NBEA: variants seen among roughly 807,000 people sequenced by gnomAD.
The protein encoded by NBEA is neurobeachin, also known as lysosomal-trafficking regulator 2.
A neutral mutation model predicts 343.4 loss-of-function variants in NBEA; 44 were observed. The ratio of observed to expected loss-of-function variants is 0.13; its 90% CI spans 0.10 to 0.16. NBEA has a LOEUF of 0.16. Among genes scored for constraint, NBEA ranks in the 10% least tolerant of loss-of-function variants. The pLI is 1.00. For missense variants in NBEA, 2,555 were observed against 3,631.3 expected (o/e 0.70, Z 7.62); for synonymous variants, 1,175 against 1,238.7 (o/e 0.95, Z 1.08).
chr13:34,946,796 C>T (rs1489092255), intron 1 of NBEA, among the ~76,000 whole-genome samples: 8 of 144,728 alleles, frequency 5.5e-5, no homozygotes, highest in African/African-American at 2.0e-4. Context: ...CCAAATTTCT[C>T]TCATCTTGGC....
chr13:35,275,283 C>G (rs536108541), intron 34 of NBEA, among the ~76,000 whole-genome samples: 1 of 152,222 alleles, frequency 6.6e-6, no homozygotes, highest in African/African-American at 2.4e-5. Context: ...ATAAATGGTG[C>G]TGGGAAAACT....
At chr13:35,350,154 G>A (rs2040108901) in intron 37 of NBEA, among the ~76,000 whole-genome samples, 1 of 152,114 alleles carries the variant, frequency 6.6e-6, no homozygotes, top group South Asian at 2.1e-4. Flanking sequence ...TGAGTCTCTT[G>A]TATTTCCACT....
intron 45 of NBEA, among the ~76,000 whole-genome samples, chr13:35,572,737 GTTGTTGTTGTTT>G (rs1566342875): frequency 6.6e-6 from 1 of 151,856 alleles, no homozygotes; most frequent in Non-Finnish European, 1.5e-5. Flanking sequence ...TGTTGTTGTT[GTTGTTGTTGTTT>G]TTGAGATGGA....
intron 20 of NBEA, among the ~76,000 whole-genome samples, chr13:35,156,837 A>G (rs558527101): frequency 3.1e-4 from 47 of 152,284 alleles, no homozygotes; most frequent in African/African-American, 7.7e-4. Context: ...TAGAGAAGCA[A>G]TAAGTAAATC....
intron 6 of NBEA, 143 bp from the exon 7 acceptor site, chr13:35,055,867 G>C (rs2063237679): frequency 3.9e-6 from 2 of 508,498 alleles, no homozygotes; most frequent in Non-Finnish European, 6.2e-6. Flanking sequence ...AGAAATGAGA[G>C]GGGGAACTTG....
At position 35,048,666 on chromosome 13, in the gene NBEA, A is replaced by T; in HGVS notation, c.827A>T (p.Asp276Val). The T allele has an allele frequency of 2.2e-6, 3 of 1,360,410 alleles. No homozygotes were observed. The highest frequency in any genetic ancestry group is 3.1e-6 in the Non-Finnish European group (3 of 968,880). 84.3% of individuals were successfully genotyped at this position (1,360,410 alleles called of 1,614,324 possible). A position where few individuals can be genotyped will look rare whatever the true frequency, so the allele number is the denominator to read the frequency against. Reference sequence around the variant, plus strand: ...TTAAATAATATTAATGTTGATAAGGATAAACCTTATCTTTATTGGTAAGTA... The same window carrying T: ...TTAAATAATATTAATGTTGATAAGGTTAAACCTTATCTTTATTGGTAAGTA... ...DPLNNINVDK[D>V]KPYLYCFRTS... The change falls in exon 5 of 59, where the codon GAT becomes GTT. Residue 276 changes from aspartate (D) to valine (V), a missense_variant. This residue lies in a region of NBEA where 185 missense variants were observed against 290.6 expected (regional missense o/e 0.64). Coordinates refer to ENST00000379939, the MANE Select transcript of NBEA (RefSeq NM_001385012.1).
chr13:35,552,358 G>A (rs1322737469), intron 43 of NBEA, among the ~76,000 whole-genome samples: 4 of 152,166 alleles, frequency 2.6e-5, no homozygotes, highest in Non-Finnish European at 4.4e-5. Flanking sequence ...TACAGTGTAA[G>A]ACCAATTCAC....
chr13:35,629,840 C>T (rs534439121), intron 49 of NBEA, among the ~76,000 whole-genome samples: 1 of 152,078 alleles, frequency 6.6e-6, no homozygotes, highest in South Asian at 2.1e-4. Flanking sequence ...AGGCTAATAC[C>T]TTTTAGAATC....
chr13:35,078,613 G>A (rs1186721686), intron 10 of NBEA, among the ~76,000 whole-genome samples: 2 of 152,156 alleles, frequency 1.3e-5, no homozygotes, highest in Non-Finnish European at 2.9e-5. Context: ...GGGGTGGAAA[G>A]TAAGTCTTTG....
At chr13:35,063,263 C>CCCTG (rs2063529074) in intron 8 of NBEA, among the ~76,000 whole-genome samples, 1 of 151,802 alleles carries the variant, frequency 6.6e-6, no homozygotes, top group Non-Finnish European at 1.5e-5. Flanking sequence ...CCAACAAAAC[C>CCCTG]CCTGCCTGTA....
At chr13:35,059,588 G>T (rs2063389559) in intron 8 of NBEA, among the ~76,000 whole-genome samples, 1 of 151,804 alleles carries the variant, frequency 6.6e-6, no homozygotes, top group Admixed American at 6.6e-5. Flanking sequence ...TTATAATTCT[G>T]AAGGAGTACT....
intron 38 of NBEA, among the ~76,000 whole-genome samples, chr13:35,379,904 T>G (rs2041925766): frequency 6.6e-6 from 1 of 152,182 alleles, no homozygotes; most frequent in African/African-American, 2.4e-5. Context: ...CCTGGTAGTG[T>G]AAGCCCTTTA....
At chr13:35,269,779 T>C (rs1016501322) in intron 34 of NBEA, among the ~76,000 whole-genome samples, 2 of 152,152 alleles carry the variant, frequency 1.3e-5, no homozygotes, top group South Asian at 2.1e-4. Flanking sequence ...AAAAGAACCA[T>C]TGGAGATGTA....
At chr13:35,356,214 A>C (rs1367154113) in intron 38 of NBEA, among the ~76,000 whole-genome samples, 2 of 152,162 alleles carry the variant, frequency 1.3e-5, no homozygotes, top group African/African-American at 2.4e-5. Context: ...AAAATGCCAA[A>C]AAGTACTTAT....
At chr13:34,947,914 T>C (rs1215742074) in intron 1 of NBEA, among the ~76,000 whole-genome samples, 8 of 152,224 alleles carry the variant, frequency 5.3e-5, no homozygotes, top group African/African-American at 1.7e-4. Context: ...CCTGACTGTG[T>C]AGGCATTACT....
At chr13:35,281,030 ACTTGACT>A (rs2035017683) in intron 34 of NBEA, among the ~76,000 whole-genome samples, 1 of 152,052 alleles carries the variant, frequency 6.6e-6, no homozygotes, top group Non-Finnish European at 1.5e-5. Context: ...GTAATATAGA[ACTTGACT>A]CTTAAGATCT....
At chr13:35,308,048 T>TA (rs2037017580) in intron 35 of NBEA, among the ~76,000 whole-genome samples, 1 of 152,006 alleles carries the variant, frequency 6.6e-6, no homozygotes, top group Non-Finnish European at 1.5e-5. Flanking sequence ...TTTCTCTCCT[T>TA]GGGAGATTCA....
chr13:35,665,970 G>A (rs1001943939), intron 56 of NBEA, among the ~76,000 whole-genome samples: 2 of 152,132 alleles, frequency 1.3e-5, no homozygotes, highest in African/African-American at 2.4e-5. Flanking sequence ...CAGGAAGTCA[G>A]GAAACTTAGG....
At chr13:35,002,669 T>C (rs1165238490) in intron 1 of NBEA, among the ~76,000 whole-genome samples, 2 of 152,184 alleles carry the variant, frequency 1.3e-5, no homozygotes, top group Admixed American at 1.3e-4. Context: ...ATAACTAGGC[T>C]CAAACACATA....
Sources: allele counts gnomAD v4.1 joint callset (sites outside exome capture counted in the v4.1 genomes callset), GRCh38; gene constraint gnomAD v4.1.1; regional missense constraint gnomAD v4.1.1; transcripts MANE v1.5; gene names NCBI Gene and HGNC (gene_info 2026-07-23, HGNC 2026-07-21).